Variants in BAZ2B observed in about 807,000 individuals in gnomAD.
BAZ2B encodes bromodomain adjacent to zinc finger domain protein 2B.
In BAZ2B, 91 loss-of-function variants were observed where a neutral mutation model predicts 246.0. The observed-to-expected ratio is 0.37, with a 90% CI of 0.31 to 0.44. The LOEUF (loss-of-function observed/expected upper bound fraction) is 0.44, where lower values mean the gene tolerates loss of function less well. Among genes scored for constraint, BAZ2B ranks in the 20% least tolerant of loss-of-function variants. BAZ2B has a pLI of 1.00. For synonymous variants in BAZ2B, 855 were observed against 860.0 expected (o/e 0.99, Z 0.10); for missense variants, 2,332 against 2,533.7 (o/e 0.92, Z 1.71).
chr2:159,483,373 A>G (rs2079454314), intron 2 of BAZ2B, among the ~76,000 whole-genome samples: 1 of 151,990 alleles, frequency 6.6e-6, no homozygotes, highest in Admixed American at 6.6e-5. Flanking sequence ...AAGTTTTTCT[A>G]TTTTTTGTTA....
In BAZ2B at chr2:159,349,054, T is replaced by C. The variant is rs1341991013; in HGVS notation, c.5090A>G (p.Glu1697Gly). Reference sequence around the variant, plus strand: ...AGGAAAATCTACTGGTTTTGCTACTTCAACAGCTGCAGGTTGAGCTGAAGT... The same window carrying C: ...AGGAAAATCTACTGGTTTTGCTACTCCAACAGCTGCAGGTTGAGCTGAAGT... Reference protein sequence around the residue: ...KATSAQPAAVEVAKPVDFPSP... With the variant: ...KATSAQPAAVGVAKPVDFPSP... The change falls in exon 29 of 37, where the codon GAA becomes GGA. Residue 1697 changes from glutamate to glycine, a missense_variant. Transcript: ENST00000392783. 1 of 1,614,186 alleles carries C rather than the reference T, an allele frequency of 6.2e-7. No individual in the cohort carries two copies.
chr2:159,695,650 T>C, the BAZ2B span, among the ~76,000 whole-genome samples: 1 of 152,300 alleles, frequency 6.6e-6, no homozygotes, highest in East Asian at 1.9e-4. Flanking sequence ...CTTCCCCCAT[T>C]GAATTACCTT....
chr2:159,663,609 T>A, the BAZ2B span, among the ~76,000 whole-genome samples: 1 of 151,612 alleles, frequency 6.6e-6, no homozygotes, highest in Non-Finnish European at 1.5e-5. Context: ...AACCTCTGCC[T>A]CCTGGGTTCA....
intron 3 of BAZ2B, among the ~76,000 whole-genome samples, chr2:159,465,225 G>C (rs926823924): frequency 2.0e-5 from 3 of 152,110 alleles, no homozygotes; most frequent in Non-Finnish European, 4.4e-5. Flanking sequence ...GTCTTCACAT[G>C]TGCTTCCTGC....
chr2:159,540,558 C>T (rs901582193), intron 2 of BAZ2B, among the ~76,000 whole-genome samples: 1 of 152,162 alleles, frequency 6.6e-6, no homozygotes, highest in African/African-American at 2.4e-5. Flanking sequence ...ATGATGTTTT[C>T]TATTTCTAAA....
chr2:159,337,377 A>G, intron 32 of BAZ2B, 190 bp downstream of exon 32: 4 of 1,361,890 alleles, frequency 2.9e-6, no homozygotes, highest in Non-Finnish European at 4.0e-6. Context: ...ACATACAAGA[A>G]GATACATAGA....
At chr2:159,581,952 G>C (rs986230348) in intron 1 of BAZ2B, among the ~76,000 whole-genome samples, 6 of 151,338 alleles carry the variant, frequency 4.0e-5, no homozygotes, top group Non-Finnish European at 7.4e-5. Flanking sequence ...ATAGCATTAG[G>C]AGATATACCT....
chr2:159,707,442 G>C, the BAZ2B span, among the ~76,000 whole-genome samples: 1 of 152,094 alleles, frequency 6.6e-6, no homozygotes, highest in Non-Finnish European at 1.5e-5. Flanking sequence ...TGTAATCCCA[G>C]CACTCTGGGA....
chr2:159,357,858 C>G (rs535554170), intron 27 of BAZ2B, among the ~76,000 whole-genome samples: 122 of 152,252 alleles, frequency 8.0e-4, no homozygotes, highest in African/African-American at 2.7e-3. Context: ...TTGTCTCCAG[C>G]CAAACTCAGC....
chr2:159,332,799 C>T (rs2065002825), intron 33 of BAZ2B, 113 bp from the exon 34 acceptor site: 1 of 1,235,586 alleles, frequency 8.1e-7, no homozygotes, highest in Non-Finnish European at 1.1e-6. Context: ...ATTCCGCTTG[C>T]TTACAAATAT....
intron 3 of BAZ2B, among the ~76,000 whole-genome samples, chr2:159,454,632 G>A (rs910661515): frequency 6.6e-6 from 1 of 152,186 alleles, no homozygotes; most frequent in African/African-American, 2.4e-5. Flanking sequence ...TGACCAAAAT[G>A]TCATTATGCA....
chr2:159,601,090 A>G (rs1455920353), intron 1 of BAZ2B, among the ~76,000 whole-genome samples: 1 of 152,168 alleles, frequency 6.6e-6, no homozygotes, highest in Non-Finnish European at 1.5e-5. Context: ...AACAGCAAAG[A>G]TCTCAAGAGA....
intron 2 of BAZ2B, among the ~76,000 whole-genome samples, chr2:159,529,238 C>T (rs2085093669): frequency 6.6e-6 from 1 of 151,966 alleles, no homozygotes; most frequent in Non-Finnish European, 1.5e-5. Context: ...ACAACCAATG[C>T]TCTACCAAAA....
chr2:159,623,414 G>C, the BAZ2B span, among the ~76,000 whole-genome samples: 1 of 152,006 alleles, frequency 6.6e-6, no homozygotes, highest in Non-Finnish European at 1.5e-5. Flanking sequence ...AAAAAGAAAT[G>C]CCCAAGGGCA....
intron 34 of BAZ2B, among the ~76,000 whole-genome samples, chr2:159,330,593 T>A (rs2064561747): frequency 6.6e-6 from 1 of 151,956 alleles, no homozygotes; most frequent in South Asian, 2.1e-4. Flanking sequence ...AAGTGTGGTG[T>A]CTCACACCTG....
chr2:159,712,152 A>T, the BAZ2B span: 1 of 150,620 alleles, frequency 6.6e-6, no homozygotes, highest in Non-Finnish European at 1.5e-5. Flanking sequence ...GGGGCCCTGC[A>T]GGTGGGCCTG....
intron 2 of BAZ2B, among the ~76,000 whole-genome samples, chr2:159,544,763 C>T (rs756895609): frequency 9.2e-5 from 14 of 151,900 alleles, no homozygotes; most frequent in South Asian, 2.1e-4. Flanking sequence ...AGTGGCACTT[C>T]GAGAAAAGGA....
In BAZ2B at chr2:159,347,581, A is replaced by G. The variant is rs2068093030; in HGVS notation, c.5359T>C (p.Ser1787Pro). Reference protein sequence around the residue: ...QVTRDIVENWSVEEQAMEMDL... With the variant: ...QVTRDIVENWPVEEQAMEMDL... ...ATTTCCATTGCTTGTTCTTCTACTG[A>G]CCAGTTCTCCACAATATCTCGAGTT... is the stretch of plus-strand genomic sequence containing the variant. Residue 1787 changes from serine to proline, a missense_variant, in exon 31 of 37, where the codon TCA becomes CCA. Coordinates refer to ENST00000392783, the MANE Select transcript of BAZ2B (RefSeq NM_013450.4). 10 of 1,613,088 alleles carry G rather than the reference A, an allele frequency of 6.2e-6. 1 individual carries two copies. In the South Asian group the frequency reaches 1.1e-4, roughly 18 times the overall value.
rs1045210395 is a variant in BAZ2B at position 159,319,302 on chromosome 2, A to G, written c.*963T>C. 2.0e-5 allele frequency: 3 copies of G among 152,650 alleles called. No individual in the cohort carries two copies. Among genetic ancestry groups the G allele is most frequent in the African/African-American group, 7.2e-5 (3 of 41,454 alleles). The allele number at this position is 152,650 out of a possible 1,614,324, so 9.5% of individuals were successfully genotyped here. A position where few individuals can be genotyped will look rare whatever the true frequency, so the allele number is the denominator to read the frequency against. On this transcript the variant is annotated 3_prime_UTR_variant, in exon 37 of 37. Transcript: ENST00000392783. This position sits in a 1 kb window ranked among gnomAD's most constrained non-coding sequence, Gnocchi z 4.0. ...CATGGATACAAATGATTATACTTTA[A>G]TTTAGGCCCTGGTGGCTTAAAATTA...
Sources: gnomAD v4.1 joint callset for allele counts (sites outside exome capture counted in the v4.1 genomes callset) on GRCh38, gnomAD v4.1.1 for gene constraint, Gnocchi (gnomAD v3.1) non-coding constraint, MANE v1.5 for transcripts, NCBI Gene and HGNC (gene_info 2026-07-23, HGNC 2026-07-21) for gene names.